Variants in ZDHHC18 observed in about 807,000 individuals in gnomAD.
ZDHHC18 encodes the protein zDHHC palmitoyltransferase 18.
ZDHHC18 carries 23 observed loss-of-function variants against 37.5 expected under a neutral mutation model. The observed-to-expected ratio is 0.61, with a 90% CI of 0.44 to 0.87. The LOEUF is 0.87. Among genes scored for constraint, ZDHHC18 ranks in the 40% least tolerant of loss-of-function variants. The probability of loss-of-function intolerance (pLI) is 0.00; values close to 1 mark genes in which losing one functional copy is unlikely to be tolerated. For missense variants in ZDHHC18, 406 were observed against 525.6 expected (o/e 0.77, Z 2.22); for synonymous variants, 185 against 218.7 (o/e 0.85, Z 1.36).
rs1260383660 is a variant in ZDHHC18, at chr1:26,856,785, C to T, written c.*2942C>T. Reference sequence around the variant, plus strand: ...ACCGGGGCCCCTGCAGGCCGCCTCCCTCCTCCCAGGCCTGCTAACCCTCTC... The same window carrying T: ...ACCGGGGCCCCTGCAGGCCGCCTCCTTCCTCCCAGGCCTGCTAACCCTCTC... On this transcript the variant is annotated 3_prime_UTR_variant, in exon 8 of 8. Transcript: ENST00000374142. This position sits in a 1 kb window ranked among gnomAD's most constrained non-coding sequence, Gnocchi z 5.2. 5 of 154,042 alleles carry T rather than the reference C, an allele frequency of 3.2e-5. No individual in the cohort carries two copies. The highest frequency in any genetic ancestry group is 1.2e-4 in the African/African-American group (5 of 41,498). The allele number at this position is 154,042 out of a possible 1,614,324, so 9.5% of individuals were successfully genotyped here.
At chr1:26,852,652 T>A in intron 6 of ZDHHC18, 101 bp from the exon 7 acceptor site, 1 of 936,992 alleles carries the variant, frequency 1.1e-6, no homozygotes, top group Non-Finnish European at 1.7e-6. Context: ...GTAACCAGAA[T>A]TGGTTTCGGA....
intron 1 of ZDHHC18, among the ~76,000 whole-genome samples, chr1:26,831,585 C>G (rs1206039985): frequency 6.6e-6 from 1 of 152,204 alleles, no homozygotes; most frequent in Non-Finnish European, 1.5e-5. Context: ...TGAAGCCATT[C>G]TCCCACCAGT....
rs1398516732 is a variant in ZDHHC18, at chr1:26,853,840, CT to C, written c.1165del (p.Ter389AspfsTer13). On this transcript the variant is annotated frameshift_variant and stop_lost, in exon 8 of 8. Coordinates refer to ENST00000374142, the MANE Select transcript of ZDHHC18 (RefSeq NM_032283.3). LOFTEE classifies it high-confidence loss of function. ...PDASMVGGHP[*>X] is the part of the protein sequence containing the mutation. ...ATGCCAGCATGGTAGGAGGCCACCCCTGACCACGGCTCAGTACTTGCCACCT... is the reference window on the plus strand; with the variant it reads ...ATGCCAGCATGGTAGGAGGCCACCCCGACCACGGCTCAGTACTTGCCACCT... 25 of 1,613,162 alleles carry C rather than the reference CT, an allele frequency of 1.5e-5. No individual in the cohort carries two copies. Among genetic ancestry groups the C allele is most frequent in the East Asian group, 2.2e-5 (1 of 44,902 alleles).
intron 3 of ZDHHC18, 96 bp downstream of exon 3, chr1:26,848,853 G>T (rs2081687139): frequency 1.3e-6 from 2 of 1,497,826 alleles, no homozygotes; most frequent in Admixed American, 1.9e-5. Context: ...CGTGGGCAGG[G>T]TCTGAAATAC....
In ZDHHC18 at chr1:26,855,681, T is replaced by G. The variant is rs2081730351; in HGVS notation, c.*1838T>G. 6.5e-6 allele frequency: 1 copy of G among 153,340 alleles called. No homozygotes were observed. The highest frequency in any genetic ancestry group is 2.4e-5 in the African/African-American group (1 of 41,460). 9.5% of individuals were successfully genotyped at this position (153,340 alleles called of 1,614,324 possible). A position where few individuals can be genotyped will look rare whatever the true frequency, so the allele number is the denominator to read the frequency against. On this transcript the variant is annotated 3_prime_UTR_variant, in exon 8 of 8. Transcript: ENST00000374142. ...CTACCTTTTATTTAAGCCAGTATTC[T>G]TTGTTCCTGCTTGTAATAAAACTTC... is the stretch of plus-strand genomic sequence containing the variant.
chr1:26,845,763 G>A (rs2081660977), intron 2 of ZDHHC18, among the ~76,000 whole-genome samples: 1 of 151,792 alleles, frequency 6.6e-6, no homozygotes, highest in South Asian at 2.1e-4. Flanking sequence ...TAGCCCCTTT[G>A]TGTCTTTTGT....
rs746292075 is a variant in ZDHHC18, at chr1:26,857,576, A to T, written c.*3733A>T. The T allele has an allele frequency of 1.3e-5, 2 of 151,704 alleles. No individual in the cohort carries two copies. The highest frequency in any genetic ancestry group is 2.9e-5 in the Non-Finnish European group (2 of 67,940). The allele number at this position is 151,704 out of a possible 1,614,324, so 9.4% of individuals were successfully genotyped here. On this transcript the variant is annotated 3_prime_UTR_variant, in exon 8 of 8. Transcript: ENST00000374142. ...TGTACCTTTTTTTTTTTTAACCAAA[A>T]TAAAGATTCCCCTCTTCTTGCCATA... is the stretch of plus-strand genomic sequence containing the variant.
At position 26,827,080 on chromosome 1, in the gene ZDHHC18, C is replaced by T; in HGVS notation, c.276C>T (p.Gly92=). The T allele has an allele frequency of 7.2e-7, 1 of 1,391,280 alleles. No homozygotes were observed. The highest frequency in any genetic ancestry group is 9.3e-7 in the Non-Finnish European group (1 of 1,073,614). The allele number at this position is 1,391,280 out of a possible 1,614,324, so 86.2% of individuals were successfully genotyped here. A position where few individuals can be genotyped will look rare whatever the true frequency, so the allele number is the denominator to read the frequency against. Residue 92 remains glycine, a synonymous_variant, in exon 1 of 8, where the codon GGC becomes GGT. Transcript: ENST00000374142. ...GGRLMLAGHG[G]VFALTLLLIL... Reference sequence around the variant, plus strand: ...GCCTCATGCTGGCCGGCCACGGCGGCGTCTTCGCGCTCACGCTGCTGCTCA... The same window carrying T: ...GCCTCATGCTGGCCGGCCACGGCGGTGTCTTCGCGCTCACGCTGCTGCTCA...
At chr1:26,832,075 G>A (rs182271411) in intron 1 of ZDHHC18, 30 of 177,710 alleles carry the variant, frequency 1.7e-4, no homozygotes, top group Admixed American at 1.6e-3. Context: ...TGGACTGAGT[G>A]AGTGAATGAA....
intron 2 of ZDHHC18, among the ~76,000 whole-genome samples, chr1:26,835,762 C>A (rs1391858388): frequency 6.6e-6 from 1 of 152,150 alleles, no homozygotes; most frequent in African/African-American, 2.4e-5. Context: ...ATCACTGAAC[C>A]TTTTCCAGAA....
chr1:26,827,186 C>T, intron 1 of ZDHHC18, 47 bp downstream of exon 1: 2 of 1,292,386 alleles, frequency 1.5e-6, no homozygotes, highest in Non-Finnish European at 2.0e-6. Flanking sequence ...CTGCCGCGCA[C>T]CCCACCTTCC....
At position 26,850,711 on chromosome 1, in the gene ZDHHC18, C is replaced by T. The variant is rs919905937; in HGVS notation, c.833+105C>T. 3.1e-6 allele frequency: 4 copies of T among 1,303,852 alleles called. No individual in the cohort carries two copies. Among genetic ancestry groups the T allele is most frequent in the Non-Finnish European group, 4.3e-6 (4 of 923,630 alleles). 80.8% of individuals were successfully genotyped at this position (1,303,852 alleles called of 1,614,324 possible). A position where few individuals can be genotyped will look rare whatever the true frequency, so the allele number is the denominator to read the frequency against. On this transcript the variant is annotated intron_variant, in intron 5 of 7. Transcript: ENST00000374142. This position sits in a 1 kb window ranked among gnomAD's most constrained non-coding sequence, Gnocchi z 6.1. ...TCAGAAGGGAACAGCGTACAGCTCACATGTGTCCTCCAGAATCCAACATGC... is the reference window on the plus strand; with the variant it reads ...TCAGAAGGGAACAGCGTACAGCTCATATGTGTCCTCCAGAATCCAACATGC...
rs1466351147 is a variant in ZDHHC18, at chr1:26,848,775, G to A, written c.646+18G>A. 1 of 1,602,498 alleles carries A rather than the reference G, an allele frequency of 6.2e-7. No homozygotes were observed. The highest frequency in any genetic ancestry group is 1.1e-5 in the South Asian group (1 of 90,908). On this transcript the variant is annotated intron_variant, in intron 3 of 7. Coordinates refer to ENST00000374142, the MANE Select transcript of ZDHHC18 (RefSeq NM_032283.3). ...CTGTGTGGGTGAGTAGGAGGCAGCA[G>A]GGAGGGATGCAGGGATTCCTGAGAG...
chr1:26,846,233 G>GTGTATAT (rs72027567), intron 2 of ZDHHC18, among the ~76,000 whole-genome samples: 40 of 119,584 alleles, frequency 3.3e-4, no homozygotes, highest in African/African-American at 7.6e-4. Context: ...TGTGTATATA[G>GTGTATAT]AGAGAGAGAT....
At chr1:26,837,904 C>A (rs930816113) in intron 2 of ZDHHC18, among the ~76,000 whole-genome samples, 1 of 152,186 alleles carries the variant, frequency 6.6e-6, no homozygotes, top group Non-Finnish European at 1.5e-5. Flanking sequence ...TGCCTCAGTG[C>A]GTTTGCTTGT....
chr1:26,846,586 G>A (rs1240094564), intron 2 of ZDHHC18, among the ~76,000 whole-genome samples: 1 of 151,486 alleles, frequency 6.6e-6, no homozygotes, highest in East Asian at 1.9e-4. Context: ...CTCCCAAAGT[G>A]CTGGGATTAC....
Position 26,850,012 on chromosome 1 carries a change from G to GC in ZDHHC18, c.647-284dup, listed in dbSNP as rs1311923533. The stretch of plus-strand genomic sequence containing the variant: ...AGAAGTGATGGGGCAGATAACAGGG[G>GC]CCCCCTCCCCTAGTCTGGGATTGGA... On this transcript the variant is annotated intron_variant, in intron 3 of 7. Transcript: ENST00000374142. This position sits in a 1 kb window ranked among gnomAD's most constrained non-coding sequence, Gnocchi z 6.1. 6.6e-6 allele frequency among the ~76,000 whole-genome samples: 1 copy of GC among 152,202 alleles called. No homozygotes were observed. Among genetic ancestry groups the GC allele is most frequent in the African/African-American group, 2.4e-5 (1 of 41,440 alleles).
rs888656118 is a variant in ZDHHC18, at chr1:26,857,028, T to C, written c.*3185T>C. The C allele has an allele frequency of 1.3e-5, 2 of 152,616 alleles. No homozygotes were observed. Among genetic ancestry groups the C allele is most frequent in the South Asian group, 2.1e-4 (1 of 4,850 alleles). 9.5% of individuals were successfully genotyped at this position (152,616 alleles called of 1,614,324 possible). A position where few individuals can be genotyped will look rare whatever the true frequency, so the allele number is the denominator to read the frequency against. Reference sequence around the variant, plus strand: ...GCCTGTGTGCTCTCTAGGACCCCCATAGGGGGCAGGGGCTGGCCTCTTTGC... The same window carrying C: ...GCCTGTGTGCTCTCTAGGACCCCCACAGGGGGCAGGGGCTGGCCTCTTTGC... On this transcript the variant is annotated 3_prime_UTR_variant, in exon 8 of 8. Coordinates refer to ENST00000374142, the MANE Select transcript of ZDHHC18 (RefSeq NM_032283.3).
In ZDHHC18 at chr1:26,832,733, G is replaced by A. The variant is rs2081593890; in HGVS notation, c.496+126G>A. On this transcript the variant is annotated intron_variant, in intron 2 of 7. Transcript: ENST00000374142. ...GGGGATGCAGTCGTGAGCAAGGCAG[G>A]CTGGAGCTGACACTGGCACAGAGGG... 4 of 1,183,078 alleles carry A rather than the reference G, an allele frequency of 3.4e-6. No homozygotes were observed. In the South Asian group the frequency reaches 6.2e-5, roughly 18 times the overall value. 73.3% of individuals were successfully genotyped at this position (1,183,078 alleles called of 1,614,324 possible).
Sources: allele counts gnomAD v4.1 joint callset (sites outside exome capture counted in the v4.1 genomes callset), GRCh38; gene constraint gnomAD v4.1.1; non-coding constraint Gnocchi (gnomAD v3.1); transcripts MANE v1.5; gene names NCBI Gene and HGNC (gene_info 2026-07-23, HGNC 2026-07-21).